FHIT: variants seen among roughly 807,000 people sequenced by gnomAD.
The protein encoded by FHIT is fragile histidine triad diadenosine triphosphatase.
In FHIT, 19 loss-of-function variants were observed where a neutral mutation model predicts 17.9. That is an observed-to-expected ratio of 1.06 (90% CI 0.74 to 1.56). FHIT has a LOEUF of 1.56. Ranked by LOEUF, FHIT falls within the 40% of genes most tolerant of loss-of-function variation. The pLI, the probability that FHIT is intolerant of heterozygous loss-of-function variation, is 0.00. For missense variants in FHIT, 248 were observed against 189.2 expected (o/e 1.31, Z -1.82); for synonymous variants, 81 against 69.7 (o/e 1.16, Z -0.81).
At chr3:60,432,942 CTT>C (rs1702984681) in intron 5 of FHIT, among the ~76,000 whole-genome samples, 1 of 149,904 alleles carries the variant, frequency 6.7e-6, no homozygotes, top group South Asian at 2.1e-4. Context: ...TGTGATAACA[CTT>C]AAGATACATA....
chr3:59,915,853 G>A (rs1342802999), intron 8 of FHIT, among the ~76,000 whole-genome samples: 3 of 151,314 alleles, frequency 2.0e-5, no homozygotes, highest in African/African-American at 7.3e-5. Flanking sequence ...GATCACTTGA[G>A]ACCCGGGGTT....
At chr3:59,749,877 A>ATCTT (rs1390751953) in intron 9 of FHIT, 4 of 225,962 alleles carry the variant, frequency 1.8e-5, no homozygotes, top group African/African-American at 8.9e-5. Context: ...TCTTGGCAAA[A>ATCTT]TCTTAGGACC....
intron 8 of FHIT, among the ~76,000 whole-genome samples, chr3:59,902,988 T>C (rs1364859648): frequency 6.6e-6 from 1 of 152,186 alleles, no homozygotes; most frequent in African/African-American, 2.4e-5. Context: ...AGGTAAAGGA[T>C]ATGTTAATTA....
chr3:60,807,381 T>A (rs1240872829), intron 4 of FHIT, among the ~76,000 whole-genome samples: 1 of 150,496 alleles, frequency 6.6e-6, no homozygotes, highest in Non-Finnish European at 1.5e-5. Context: ...GAGACTAGCC[T>A]GGGCAACATA....
intron 5 of FHIT, among the ~76,000 whole-genome samples, chr3:60,339,976 T>C (rs940412951): frequency 6.6e-6 from 1 of 152,102 alleles, no homozygotes; most frequent in Non-Finnish European, 1.5e-5. Context: ...ACTAAACAGA[T>C]GGGTTTTGAC....
chr3:60,846,790 T>C (rs530306291), intron 3 of FHIT, among the ~76,000 whole-genome samples: 1 of 152,274 alleles, frequency 6.6e-6, no homozygotes, highest in Admixed American at 6.5e-5. Flanking sequence ...TTAATGGATG[T>C]ATTTGTCATT....
At chr3:61,239,762 C>CAGATATATATAT (rs2040324269) in intron 1 of FHIT, among the ~76,000 whole-genome samples, 2 of 108,300 alleles carry the variant, frequency 1.8e-5, no homozygotes, top group African/African-American at 9.2e-5. Flanking sequence ...AACAACTGGC[C>CAGATATATATAT]ATATATATAT....
chr3:61,240,161 T>G (rs966391636), intron 1 of FHIT, among the ~76,000 whole-genome samples: 1 of 152,120 alleles, frequency 6.6e-6, no homozygotes, highest in African/African-American at 2.4e-5. Context: ...AGCTGTAGAT[T>G]TTTCTGAAGC....
rs11130808 is a variant in FHIT, at chr3:61,036,918, G to C, written c.-111+5129C>G. Among the ~76,000 whole-genome samples the C allele has an allele frequency of 6.4e-4, 81 of 125,976 alleles. 1 individual carries two copies. The highest frequency in any genetic ancestry group is 1.1e-3 in the Non-Finnish European group (65 of 60,850). 82.6% of individuals were successfully genotyped at this position (125,976 alleles called of 152,430 possible). A position where few individuals can be genotyped will look rare whatever the true frequency, so the allele number is the denominator to read the frequency against. ...TCTGCTTTGTTTTTTTTTTTTGTTT[G>C]TTTGTTTTTTTGAGATGGAGTCTCG... On this transcript the variant is annotated intron_variant, in intron 3 of 9. Coordinates refer to ENST00000492590, the MANE Select transcript of FHIT (RefSeq NM_002012.4).
chr3:60,066,644 T>TTTTTTTTG, intron 5 of FHIT, among the ~76,000 whole-genome samples: 1 of 40,158 alleles, frequency 2.5e-5, no homozygotes, highest in Non-Finnish European at 4.3e-5. Flanking sequence ...TTTTTTTTTT[T>TTTTTTTTG]TTTTTTTTTT....
chr3:60,167,999 GGGTA>G (rs537745729), intron 5 of FHIT, among the ~76,000 whole-genome samples: 215 of 152,276 alleles, frequency 1.4e-3, no homozygotes, highest in Admixed American at 2.8e-3. Flanking sequence ...ACTCCAGCCT[GGGTA>G]AGAGAGTGAG....
chr3:59,978,057 T>C lies in FHIT; in HGVS notation c.279+33314A>G, dbSNP rs75951747. On this transcript the variant is annotated intron_variant, in intron 7 of 9. Coordinates refer to ENST00000492590, the MANE Select transcript of FHIT (RefSeq NM_002012.4). ...CAAACACTATGCTATGTATGGGCTG[T>C]CATGTACAATCTCAGTTCATCCTCA... Among the ~76,000 whole-genome samples the C allele has an allele frequency of 1.9e-4, 29 of 152,310 alleles. No homozygotes were observed. The East Asian group carries it at 5.2e-3, about 27-fold the overall frequency.
chr3:60,540,700 T>C (rs2036158522), intron 4 of FHIT, among the ~76,000 whole-genome samples: 1 of 152,184 alleles, frequency 6.6e-6, no homozygotes, highest in Non-Finnish European at 1.5e-5. Flanking sequence ...TAATGCATGA[T>C]TGTTTAATGA....
At chr3:59,861,154 G>A (rs1702386703) in intron 8 of FHIT, among the ~76,000 whole-genome samples, 1 of 152,102 alleles carries the variant, frequency 6.6e-6, no homozygotes, top group African/African-American at 2.4e-5. Context: ...AGGAAGCATG[G>A]GTGGTGGTAT....
chr3:60,094,140 G>C (rs974706642), intron 5 of FHIT, among the ~76,000 whole-genome samples: 9 of 152,178 alleles, frequency 5.9e-5, no homozygotes, highest in African/African-American at 2.2e-4. Context: ...GTTTCTAAGA[G>C]AATCTACCCA....
rs2035267481 is a variant in FHIT at position 61,085,189 on chromosome 3, T to G, written c.-163-43090A>C. Among the ~76,000 whole-genome samples the G allele has an allele frequency of 3.3e-5, 5 of 152,302 alleles. 1 individual carries two copies. The South Asian group carries it at 1.0e-3, about 32-fold the overall frequency. ...GAAGTGGAATTGCTAAGTCTTATGG[T>G]AAGTACATGTTTAACCTTTTCAAAA... On this transcript the variant is annotated intron_variant, in intron 2 of 9. Coordinates refer to ENST00000492590, the MANE Select transcript of FHIT (RefSeq NM_002012.4).
chr3:60,397,070 T>G (rs1033418530), intron 5 of FHIT, among the ~76,000 whole-genome samples: 18 of 152,346 alleles, frequency 1.2e-4, no homozygotes, highest in African/African-American at 4.3e-4. Context: ...TAGCCACTGA[T>G]GTAAACTACA....
At chr3:60,370,311 C>T (rs942604497) in intron 5 of FHIT, among the ~76,000 whole-genome samples, 3 of 152,136 alleles carry the variant, frequency 2.0e-5, no homozygotes, top group Non-Finnish European at 2.9e-5. Context: ...AACAGGTTTC[C>T]TTTTCAATAC....
At chr3:60,266,671 C>T (rs538839689) in intron 5 of FHIT, among the ~76,000 whole-genome samples, 311 of 152,164 alleles carry the variant, frequency 2.0e-3, no homozygotes, top group African/African-American at 6.4e-3. Context: ...ACCCCCTCAT[C>T]CTGGCCAGTG....
Sources: gnomAD v4.1 joint callset for allele counts (sites outside exome capture counted in the v4.1 genomes callset) on GRCh38, gnomAD v4.1.1 for gene constraint, MANE v1.5 for transcripts, NCBI Gene and HGNC (gene_info 2026-07-23, HGNC 2026-07-21) for gene names.